Variants in HMCN1 observed in about 807,000 individuals in gnomAD.
HMCN1 encodes the protein hemicentin-1.
A neutral mutation model predicts 625.9 loss-of-function variants in HMCN1; 321 were observed. The observed-to-expected ratio is 0.51, with a 90% CI of 0.47 to 0.56. The LOEUF (loss-of-function observed/expected upper bound fraction) is 0.56. Ranked by LOEUF, HMCN1 falls within the 20% of genes least tolerant of loss-of-function variation. HMCN1 has a pLI of 0.00. For missense variants in HMCN1, 6,588 were observed against 6,887.3 expected (o/e 0.96, Z 1.54); for synonymous variants, 2,425 against 2,417.6 (o/e 1.00, Z -0.09).
intron 1 of HMCN1, among the ~76,000 whole-genome samples, chr1:185,758,515 A>T (rs1321477835): frequency 6.6e-6 from 1 of 152,204 alleles, no homozygotes; most frequent in African/African-American, 2.4e-5. Flanking sequence ...ACATGCCTGT[A>T]GTCCCAGCCA....
intron 4 of HMCN1, among the ~76,000 whole-genome samples, chr1:185,891,736 C>T (rs931305313): frequency 1.4e-5 from 2 of 148,020 alleles, no homozygotes; most frequent in East Asian, 3.9e-4. Flanking sequence ...CTCTGGCTGC[C>T]CTTAACATTT....
chr1:186,141,862 A>G (rs1649984160), intron 89 of HMCN1, among the ~76,000 whole-genome samples: 1 of 152,244 alleles, frequency 6.6e-6, no homozygotes, highest in Admixed American at 6.5e-5. Flanking sequence ...ATTCAAGCCC[A>G]GAGTGTCTGC....
chr1:186,111,723 T>C (rs529090598), intron 71 of HMCN1, among the ~76,000 whole-genome samples: 19 of 152,326 alleles, frequency 1.2e-4, no homozygotes, highest in Non-Finnish European at 2.1e-4. Flanking sequence ...AAAAATAAAA[T>C]ATTTTTTATA....
chr1:186,010,479 A>G (rs2102110518), intron 30 of HMCN1, among the ~76,000 whole-genome samples: 1 of 152,282 alleles, frequency 6.6e-6, no homozygotes, highest in East Asian at 1.9e-4. Context: ...TTTAAAGTAG[A>G]TCCTTCCTGA....
chr1:185,980,236 A>G (rs1003075249), intron 16 of HMCN1, among the ~76,000 whole-genome samples: 1 of 152,200 alleles, frequency 6.6e-6, no homozygotes, highest in African/African-American at 2.4e-5. Flanking sequence ...AGATACATTT[A>G]TGTGGCATCA....
In HMCN1 at chr1:186,130,515, G is replaced by A; in HGVS notation, c.13048G>A (p.Val4350Ile). 1.2e-6 allele frequency: 2 copies of A among 1,613,284 alleles called. No homozygotes were observed. Among genetic ancestry groups the A allele is most frequent in the Non-Finnish European group, 8.5e-7 (1 of 1,179,448 alleles). Residue 4350 changes from valine (V) to isoleucine (I), a missense_variant, in exon 85 of 107, where the codon GTC (valine) becomes ATC (isoleucine). Around this residue, in one of 3 missense-constraint regions of HMCN1, gnomAD observed 1,954 missense variants for 2,013.1 expected, o/e 0.97. Transcript: ENST00000271588. The part of the protein sequence containing the change: ...IGFVYVKEPP[V>I]FKGDYPSNWI... ...CTTATGTTGTTTTCCAGAACCTCCAGTCTTCAAAGGTGATTATCCTTCTAA... is the reference window on the plus strand; with the variant it reads ...CTTATGTTGTTTTCCAGAACCTCCAATCTTCAAAGGTGATTATCCTTCTAA...
chr1:185,982,183 T>C (rs1651688978), intron 17 of HMCN1, 79 bp from the exon 18 acceptor site: 1 of 1,357,404 alleles, frequency 7.4e-7, no homozygotes, highest in Non-Finnish European at 1.1e-6. Context: ...TAACTAACAG[T>C]CTTTGGGGCC....
At chr1:186,136,175 C>A (rs201695783) in intron 86 of HMCN1, among the ~76,000 whole-genome samples, 16 of 149,616 alleles carry the variant, frequency 1.1e-4, no homozygotes, top group African/African-American at 1.5e-4. Context: ...GACTCTGGCT[C>A]AAAAAAAAAG....
intron 73 of HMCN1, among the ~76,000 whole-genome samples, chr1:186,114,560 A>C (rs1424373495): frequency 6.6e-6 from 1 of 152,108 alleles, no homozygotes; most frequent in East Asian, 1.9e-4. Context: ...CTCCAGGCCC[A>C]AATTTAGTAT....
intron 4 of HMCN1, among the ~76,000 whole-genome samples, chr1:185,878,767 A>C (rs1035339753): frequency 6.6e-6 from 1 of 152,198 alleles, no homozygotes; most frequent in Non-Finnish European, 1.5e-5. Flanking sequence ...GACATTTGGC[A>C]TGTACTCAGT....
intron 48 of HMCN1, among the ~76,000 whole-genome samples, chr1:186,063,067 C>CATATATATATATATATATATATAT (rs775036108): frequency 3.3e-5 from 2 of 59,840 alleles, no homozygotes; most frequent in African/African-American, 9.5e-5. Context: ...TGTGTGTGTG[C>CATATATATATATATATATATATAT]ATATATATAT....
intron 10 of HMCN1, among the ~76,000 whole-genome samples, chr1:185,932,972 A>T (rs745543964): frequency 2.6e-4 from 40 of 152,190 alleles, no homozygotes; most frequent in Admixed American, 7.9e-4. Flanking sequence ...CCTTTTGTGT[A>T]TATGGCTCTA....
Position 186,137,534 on chromosome 1 carries a change from C to A in HMCN1, c.13619C>A (p.Ala4540Asp). ...GGFSQWSAWR[A>D]CSVTCGKGIQ... ...TTTTCCCAGTGGTCTGCATGGAGAG[C>A]CTGCAGTGTCACCTGTGGAAAAGGC... Residue 4540 changes from alanine to aspartate, a missense_variant, in exon 88 of 107, where the codon GCC becomes GAC. Ala to Asp is a moderately radical substitution (Grantham distance 126). Coordinates refer to ENST00000271588, the MANE Select transcript of HMCN1 (RefSeq NM_031935.3). 6.2e-7 allele frequency: 1 copy of A among 1,613,710 alleles called. No individual in the cohort carries two copies. Among genetic ancestry groups the A allele is most frequent in the African/African-American group, 1.3e-5 (1 of 75,006 alleles).
At chr1:186,079,869 T>G (rs1386317653) in intron 55 of HMCN1, among the ~76,000 whole-genome samples, 1 of 152,120 alleles carries the variant, frequency 6.6e-6, no homozygotes, top group Non-Finnish European at 1.5e-5. Context: ...CTGTTTCAAG[T>G]CTGCTGCTCA....
At chr1:185,792,720 A>C (rs1372560950) in intron 1 of HMCN1, among the ~76,000 whole-genome samples, 1 of 152,158 alleles carries the variant, frequency 6.6e-6, no homozygotes, top group East Asian at 1.9e-4. Flanking sequence ...TTAGCTCACA[A>C]TCGCTTCTTG....
At chr1:186,036,271 C>CTTTCTAA (rs1482043570) in intron 36 of HMCN1, among the ~76,000 whole-genome samples, 1 of 152,110 alleles carries the variant, frequency 6.6e-6, no homozygotes, top group Admixed American at 6.6e-5. Context: ...CCGATAAAGA[C>CTTTCTAA]ATACCCAAGA....
chr1:186,147,529 GGTAAA>G (rs1159953450), intron 93 of HMCN1, among the ~76,000 whole-genome samples: 1 of 151,532 alleles, frequency 6.6e-6, no homozygotes, highest in Non-Finnish European at 1.5e-5. Context: ...AAATTAAAAT[GGTAAA>G]GTACTTACTG....
At position 186,189,865 on chromosome 1, in the gene HMCN1, C is replaced by T. The variant is rs2102687967; in HGVS notation, c.16895C>T (p.Ala5632Val). ...TTCATAGTTTATATAGCTGTGTCCG[C>T]CTATCCATACTAAGGAACTCTCCAA... ...TTFIVYIAVS[A>V]YPY The change falls in exon 107 of 107, where the codon GCC (alanine) becomes GTC (valine). Residue 5632 changes from alanine (A) to valine (V), a missense_variant. Ala to Val is a moderately conservative substitution (Grantham distance 64). Around this residue, in one of 3 missense-constraint regions of HMCN1, gnomAD observed 1,954 missense variants for 2,013.1 expected, o/e 0.97. Coordinates refer to ENST00000271588, the MANE Select transcript of HMCN1 (RefSeq NM_031935.3). 2 of 1,613,582 alleles carry T rather than the reference C, an allele frequency of 1.2e-6. No homozygotes were observed. Among genetic ancestry groups the T allele is most frequent in the East Asian group, 2.2e-5 (1 of 44,882 alleles).
rs184815958 is a variant in HMCN1 at position 185,842,496 on chromosome 1, C to T, written c.269-3530C>T. ...GAGGATTGCTTGAGCATTGGGAGGT[C>T]GAGGCCGCAGTGAGCTGTGATCATG... On this transcript the variant is annotated intron_variant, in intron 1 of 106. Transcript: ENST00000271588. Among the ~76,000 whole-genome samples, 21 of 151,668 alleles carry T rather than the reference C, an allele frequency of 1.4e-4. No individual in the cohort carries two copies. In the East Asian group the frequency reaches 1.9e-3, roughly 14 times the overall value.
Sources: allele counts gnomAD v4.1 joint callset (sites outside exome capture counted in the v4.1 genomes callset), GRCh38; gene constraint gnomAD v4.1.1; regional missense constraint gnomAD v4.1.1; transcripts MANE v1.5; gene names NCBI Gene and HGNC (gene_info 2026-07-23, HGNC 2026-07-21).